The following RIMS1 variants were observed in gnomAD, a reference collection of about 807,000 sequenced individuals.
The protein encoded by RIMS1 is regulating synaptic membrane exocytosis protein 1.
Under a neutral mutation model 214.1 loss-of-function variants are expected in RIMS1, and 83 were observed. That is an observed-to-expected ratio of 0.39 (90% CI 0.32 to 0.47). The LOEUF is 0.47. Among genes scored for constraint, RIMS1 ranks in the 20% least tolerant of loss-of-function variants. The pLI is 0.99. For synonymous variants in RIMS1, 793 were observed against 786.8 expected, an observed-to-expected ratio of 1.01 and a Z score of -0.13; for missense variants, 2,050 against 2,161.8, an observed-to-expected ratio of 0.95 and a Z score of 1.03.
chr6:71,906,101 A>C (rs1428583515), intron 1 of RIMS1, among the ~76,000 whole-genome samples: 1 of 152,142 alleles, frequency 6.6e-6, no homozygotes, highest in Non-Finnish European at 1.5e-5. Context: ...GCCTGAAGTG[A>C]CAGTGAGATT....
At chr6:72,056,814 AAAT>A (rs1338961362) in intron 2 of RIMS1, among the ~76,000 whole-genome samples, 1 of 152,238 alleles carries the variant, frequency 6.6e-6, no homozygotes, top group Non-Finnish European at 1.5e-5. Context: ...AATTAAGGTT[AAAT>A]AATAAATAGA....
chr6:71,899,323 C>T (rs1772843687), intron 1 of RIMS1, among the ~76,000 whole-genome samples: 1 of 151,646 alleles, frequency 6.6e-6, no homozygotes, highest in Admixed American at 6.6e-5. Flanking sequence ...TCTTAAAAGC[C>T]AGTTGATTTT....
At chr6:72,185,044 G>A (rs943888105) in intron 6 of RIMS1, among the ~76,000 whole-genome samples, 1 of 152,104 alleles carries the variant, frequency 6.6e-6, no homozygotes, top group Admixed American at 6.6e-5. Context: ...TGCTAGTAAG[G>A]GACTGTCTTT....
At chr6:72,290,048 T>G (rs2093100865) in intron 24 of RIMS1, among the ~76,000 whole-genome samples, 1 of 152,176 alleles carries the variant, frequency 6.6e-6, no homozygotes, top group Non-Finnish European at 1.5e-5. Context: ...TGAGAGAACA[T>G]GTTTTTATCC....
In RIMS1 at chr6:72,313,447, T is replaced by C. The variant is rs1593044038; in HGVS notation, c.3964-59T>C. ...GGCTAAGTAGTCATTCATCTCACCATCTATGTTTTTTCCATTGTCTAATGA... is the reference window on the plus strand; with the variant it reads ...GGCTAAGTAGTCATTCATCTCACCACCTATGTTTTTTCCATTGTCTAATGA... On this transcript the variant is annotated intron_variant, in intron 27 of 33. Coordinates refer to ENST00000521978, the MANE Select transcript of RIMS1 (RefSeq NM_014989.7). 11 of 1,499,998 alleles carry C rather than the reference T, an allele frequency of 7.3e-6. No individual in the cohort carries two copies. The East Asian group carries it at 2.3e-4, about 32-fold the overall frequency. The allele number at this position is 1,499,998 out of a possible 1,614,324, so 92.9% of individuals were successfully genotyped here. A position where few individuals can be genotyped will look rare whatever the true frequency, so the allele number is the denominator to read the frequency against.
At chr6:71,960,942 A>C (rs1359477879) in intron 1 of RIMS1, among the ~76,000 whole-genome samples, 4 of 152,066 alleles carry the variant, frequency 2.6e-5, no homozygotes, top group African/African-American at 7.2e-5. Flanking sequence ...GGAAACTGCC[A>C]ATTTCTTCCT....
In RIMS1 at chr6:71,991,304, A is replaced by G. The variant is rs551965745; in HGVS notation, c.245+22241A>G. 4.6e-5 allele frequency among the ~76,000 whole-genome samples: 7 copies of G among 151,880 alleles called. No individual in the cohort carries two copies. In the South Asian group the frequency reaches 1.5e-3, roughly 32 times the overall value. On this transcript the variant is annotated intron_variant, in intron 2 of 33. Transcript: ENST00000521978. ...AGTTTTTTAACAGCATTTTATGTCG[A>G]TTTCCCCAGAACATCTGAACATGTC...
Position 71,886,660 on chromosome 6 carries a change from CGCCCGGATCGGCGGA to C in RIMS1, c.-360_-346del, listed in dbSNP as rs1273823299. The C allele has an allele frequency of 6.6e-6, 1 of 150,652 alleles. No individual in the cohort carries two copies. Among genetic ancestry groups the C allele is most frequent in the Non-Finnish European group, 1.5e-5 (1 of 67,128 alleles). 9.3% of individuals were successfully genotyped at this position (150,652 alleles called of 1,614,324 possible). A position where few individuals can be genotyped will look rare whatever the true frequency, so the allele number is the denominator to read the frequency against. On this transcript the variant is annotated 5_prime_UTR_variant, in exon 1 of 34. Coordinates refer to ENST00000521978, the MANE Select transcript of RIMS1 (RefSeq NM_014989.7). ...CCCCCGCCCCGCGCCCCGCCGGAGACGCCCGGATCGGCGGAGCCTGGCGCGAGCCCTCGCCCCCTC... is the reference window on the plus strand; with the variant it reads ...CCCCCGCCCCGCGCCCCGCCGGAGACGCCTGGCGCGAGCCCTCGCCCCCTC...
intron 26 of RIMS1, among the ~76,000 whole-genome samples, chr6:72,305,915 A>G (rs531334116): frequency 3.3e-5 from 5 of 152,172 alleles, no homozygotes; most frequent in Non-Finnish European, 7.4e-5. Context: ...TACTGATAAA[A>G]GTATGATTAA....
At chr6:72,217,057 A>G in intron 6 of RIMS1, 1 of 1,474,062 alleles carries the variant, frequency 6.8e-7, no homozygotes, top group Non-Finnish European at 8.9e-7. Context: ...TGCAAGGACC[A>G]CAGGGAATTT....
rs1385907493 is a variant in RIMS1, at chr6:71,965,768, C to T, written c.165-3215C>T. On this transcript the variant is annotated intron_variant, in intron 1 of 33. Transcript: ENST00000521978. ...TAAATCTGAGTAATTAAAGACTTTG[C>T]AAAAAATAAGAGGTCAAACTCTTTG... Among the ~76,000 whole-genome samples, 6 of 152,144 alleles carry T rather than the reference C, an allele frequency of 3.9e-5. No homozygotes were observed. In the South Asian group the frequency reaches 1.0e-3, roughly 26 times the overall value.
At chr6:72,245,934 G>C (rs2069354656) in intron 11 of RIMS1, 73 bp downstream of exon 11, 1 of 1,104,654 alleles carries the variant, frequency 9.1e-7, no homozygotes, top group African/African-American at 1.6e-5. Flanking sequence ...ATTTTCTTTA[G>C]TTATTTGATA....
At chr6:72,196,603 T>A (rs72942735) in intron 6 of RIMS1, among the ~76,000 whole-genome samples, 174 of 132,260 alleles carry the variant, frequency 1.3e-3, no homozygotes, top group South Asian at 9.5e-3. Context: ...TTTTTTTTTT[T>A]ACCTATACAG....
intron 2 of RIMS1, among the ~76,000 whole-genome samples, chr6:72,009,154 C>T (rs1312103709): frequency 6.6e-6 from 1 of 152,184 alleles, no homozygotes; most frequent in Non-Finnish European, 1.5e-5. Context: ...CAAACTAGAA[C>T]TCAGGATTAA....
intron 29 of RIMS1, among the ~76,000 whole-genome samples, chr6:72,334,467 T>C (rs1210912652): frequency 6.6e-6 from 1 of 151,842 alleles, no homozygotes; most frequent in African/African-American, 2.4e-5. Flanking sequence ...AAAAAGCAAA[T>C]ACAAAAGGGA....
intron 1 of RIMS1, among the ~76,000 whole-genome samples, chr6:71,923,025 G>C (rs185730398): frequency 9.2e-5 from 14 of 152,284 alleles, no homozygotes; most frequent in Admixed American, 8.5e-4. Context: ...GGGCTAACTT[G>C]TGAGATAAGT....
intron 4 of RIMS1, among the ~76,000 whole-genome samples, chr6:72,121,538 T>G (rs911236721): frequency 6.6e-6 from 1 of 151,962 alleles, no homozygotes; most frequent in Non-Finnish European, 1.5e-5. Flanking sequence ...CTTATCAGCT[T>G]AAGGAGATTA....
intron 6 of RIMS1, among the ~76,000 whole-genome samples, chr6:72,203,118 G>A (rs1013879463): frequency 6.6e-6 from 1 of 152,076 alleles, no homozygotes; most frequent in African/African-American, 2.4e-5. Flanking sequence ...CTTCCGAGTA[G>A]CTGGGATTAC....
intron 6 of RIMS1, among the ~76,000 whole-genome samples, chr6:72,189,015 C>G (rs1337632371): frequency 6.6e-6 from 1 of 152,186 alleles, no homozygotes; most frequent in Non-Finnish European, 1.5e-5. Context: ...GTTCCTTCCT[C>G]TGGAACTAAG....
Sources: gnomAD v4.1 joint callset for allele counts (sites outside exome capture counted in the v4.1 genomes callset) on GRCh38, gnomAD v4.1.1 for gene constraint, MANE v1.5 for transcripts, NCBI Gene and HGNC (gene_info 2026-07-23, HGNC 2026-07-21) for gene names.